Variants in KRT35 observed in about 807,000 individuals in gnomAD.
KRT35 encodes keratin, type I cuticular Ha5.
KRT35 carries 33 observed loss-of-function variants against 42.2 expected under a neutral mutation model. That is an observed-to-expected ratio of 0.78 (90% CI 0.59 to 1.05). The LOEUF is 1.05. Among genes scored for constraint, KRT35 ranks in the 50% least tolerant of loss-of-function variants. The pLI is 0.00. For synonymous variants in KRT35, 218 were observed against 238.2 expected, an observed-to-expected ratio of 0.92 and a Z score of 0.78; for missense variants, 585 against 589.2, an observed-to-expected ratio of 0.99 and a Z score of 0.07.
Position 41,476,879 on chromosome 17 carries a change from C to A in KRT35, c.*177G>T. 1 of 585,308 alleles carries A rather than the reference C, an allele frequency of 1.7e-6. No homozygotes were observed. The highest frequency in any genetic ancestry group is 2.8e-6 in the Non-Finnish European group (1 of 351,774). The allele number at this position is 585,308 out of a possible 1,614,324, so 36.3% of individuals were successfully genotyped here. ...AGTTGAGACCTTTGGGGGCAGCCGG[C>A]CTTTGTGACAGGCTCTGAGAAACTT... On this transcript the variant is annotated 3_prime_UTR_variant, in exon 7 of 7. Coordinates refer to ENST00000246639, the MANE Select transcript of KRT35 (RefSeq NM_002280.6).
rs929876148 is a variant in KRT35, at chr17:41,476,910, C to A, written c.*146G>T. 2.6e-6 allele frequency: 2 copies of A among 755,408 alleles called. No homozygotes were observed. Among genetic ancestry groups the A allele is most frequent in the African/African-American group, 3.6e-5 (2 of 55,054 alleles). The allele number at this position is 755,408 out of a possible 1,614,324, so 46.8% of individuals were successfully genotyped here. ...TGACAGGCTCTGAGAAACTTTAGGG[C>A]ATGTATTTGCAGAAAGCCTTTTCAG... On this transcript the variant is annotated 3_prime_UTR_variant, in exon 7 of 7. Transcript: ENST00000246639.
rs761533012 is a variant in KRT35, at chr17:41,477,209, A to G, written c.1221-6T>C. 8 of 1,613,756 alleles carry G rather than the reference A, an allele frequency of 5.0e-6. No homozygotes were observed. Among genetic ancestry groups the G allele is most frequent in the Non-Finnish European group, 6.8e-6 (8 of 1,179,810 alleles). ...CACATGGGTTACAGGGGAGCCTAGA[A>G]AAAAGAAAACAAATTACTGTGATTT... On this transcript the variant is annotated splice_polypyrimidine_tract_variant and splice_region_variant and intron_variant, in intron 6 of 6. Coordinates refer to ENST00000246639, the MANE Select transcript of KRT35 (RefSeq NM_002280.6).
chr17:41,477,502 A>C lies in KRT35; in HGVS notation c.1220+16T>G. 1 of 1,612,664 alleles carries C rather than the reference A, an allele frequency of 6.2e-7. No homozygotes were observed. On this transcript the variant is annotated intron_variant, in intron 6 of 6. Coordinates refer to ENST00000246639, the MANE Select transcript of KRT35 (RefSeq NM_002280.6). ...GATTGCAGTGAGAAGACAAGAGCACATGCAGTGATACTCACTTGCTGTCCT... is the reference window on the plus strand; with the variant it reads ...GATTGCAGTGAGAAGACAAGAGCACCTGCAGTGATACTCACTTGCTGTCCT...
In KRT35 at chr17:41,480,672, A is replaced by T; in HGVS notation, c.426T>A (p.Pro142=). ...TGGTCCGGAAGTAGGACTGGTAGTC[A>T]GGGCACATGTAGGGGACCTGCTGCT... The part of the protein sequence containing the change: ...WCEQQVPYMC[P]DYQSYFRTIE... The change falls in exon 1 of 7, where the codon CCT becomes CCA. Residue 142 remains proline, a synonymous_variant. Transcript: ENST00000246639. The T allele has an allele frequency of 6.2e-7, 1 of 1,614,198 alleles. No homozygotes were observed. The highest frequency in any genetic ancestry group is 8.5e-7 in the Non-Finnish European group (1 of 1,180,030).
rs747740969 is a variant in KRT35 at position 41,480,783 on chromosome 17, G to A, written c.315C>T (p.Asn105=). The A allele has an allele frequency of 2.7e-5, 43 of 1,614,082 alleles. No individual in the cohort carries two copies. The highest frequency in any genetic ancestry group is 6.7e-5 in the African/African-American group (5 of 74,916). The part of the protein sequence containing the change: ...GNEKETMQSL[N]DRLAGYLEKV... ...TCTCCAGGTAGCCGGCCAGGCGGTC[G>A]TTCAGGGATTGCATGGTCTCCTTCT... The change falls in exon 1 of 7, where the codon AAC becomes AAT. Residue 105 remains asparagine, a synonymous_variant. Transcript: ENST00000246639.
In KRT35 at chr17:41,476,935, G is replaced by T; in HGVS notation, c.*121C>A. 1 of 1,024,154 alleles carries T rather than the reference G, an allele frequency of 9.8e-7. No individual in the cohort carries two copies. Among genetic ancestry groups the T allele is most frequent in the Non-Finnish European group, 1.4e-6 (1 of 718,568 alleles). The allele number at this position is 1,024,154 out of a possible 1,614,324, so 63.4% of individuals were successfully genotyped here. ...CATGTATTTGCAGAAAGCCTTTTCA[G>T]CCAGACCCTGGGCCTGGGCTCTGCG... On this transcript the variant is annotated 3_prime_UTR_variant, in exon 7 of 7. Transcript: ENST00000246639.
In KRT35 at chr17:41,479,455, G is replaced by A. The variant is rs201345962; in HGVS notation, c.603C>T (p.Asn201=). ...SLRQLVESDI[N]GLRRILDDLT... ...GGTCATCCAGGATCCTGCGCAGGCCGTTGATGTCTGACTCCACCAGCTGCC... is the reference window on the plus strand; with the variant it reads ...GGTCATCCAGGATCCTGCGCAGGCCATTGATGTCTGACTCCACCAGCTGCC... Residue 201 remains asparagine, a synonymous_variant, in exon 3 of 7, where the codon AAC becomes AAT. Transcript: ENST00000246639. 142 of 1,614,170 alleles carry A rather than the reference G, an allele frequency of 8.8e-5. 1 individual carries two copies. The Admixed American group carries it at 1.1e-3, about 13-fold the overall frequency.
In KRT35 at chr17:41,477,097, G is replaced by T. The variant is rs2071601; in HGVS notation, c.1327C>A (p.Pro443Thr). ...GPSAARTNCS[P>T]RPICVPCPGG... is the part of the protein sequence containing the mutation. ...GGGCAGGGCACACAAATGGGGCGGG[G>T]GCTGCAGTTTGTGCGGGCTGCACTA... Residue 443 changes from proline (P) to threonine (T), a missense_variant, in exon 7 of 7, where the codon CCC (proline) becomes ACC (threonine). By Grantham distance (38) the Pro-to-Thr change is conservative. Coordinates refer to ENST00000246639, the MANE Select transcript of KRT35 (RefSeq NM_002280.6). 8 of 1,605,200 alleles carry T rather than the reference G, an allele frequency of 5.0e-6. No individual in the cohort carries two copies. Among genetic ancestry groups the T allele is most frequent in the Admixed American group, 3.4e-5 (2 of 57,998 alleles).
At chr17:41,479,970 T>C (rs2019231833) in intron 1 of KRT35, among the ~76,000 whole-genome samples, 189 bp from the exon 2 acceptor site, 1 of 152,122 alleles carries the variant, frequency 6.6e-6, no homozygotes, top group South Asian at 2.1e-4. Context: ...TTTCTTCCAG[T>C]GCAGTGTATC....
intron 3 of KRT35, 80 bp downstream of exon 3, chr17:41,479,266 CA>C (rs56209045): frequency 1 from 1,485,482 of 1,486,062 alleles, 742,453 homozygotes; most frequent in East Asian, 1. Flanking sequence ...ACCTCATCCC[CA>C]ATGCTCACCT....
At chr17:41,479,648 C>G in intron 2 of KRT35, 51 bp downstream of exon 2, 2 of 1,584,914 alleles carry the variant, frequency 1.3e-6, no homozygotes, top group African/African-American at 1.3e-5. Flanking sequence ...CAGGCATCAC[C>G]TGTGTCCAGT....
chr17:41,479,470 C>A lies in KRT35; in HGVS notation c.588G>T (p.Val196=). 6.2e-7 allele frequency: 1 copy of A among 1,614,164 alleles called. No individual in the cohort carries two copies. The highest frequency in any genetic ancestry group is 2.2e-5 in the East Asian group (1 of 44,884). The change falls in exon 3 of 7, where the codon GTG becomes GTT. Residue 196 remains valine, a synonymous_variant. Transcript: ENST00000246639. The stretch of plus-strand genomic sequence containing the variant: ...TGCGCAGGCCGTTGATGTCTGACTC[C>A]ACCAGCTGCCGCAGGGACACCTCCG... ...YETEVSLRQL[V]ESDINGLRRI... is the part of the protein sequence containing the mutation.
Position 41,478,343 on chromosome 17 carries a change from C to T in KRT35, c.999+18G>A, listed in dbSNP as rs1339004982. 1 of 1,610,622 alleles carries T rather than the reference C, an allele frequency of 6.2e-7. No individual in the cohort carries two copies. Among genetic ancestry groups the T allele is most frequent in the Non-Finnish European group, 8.5e-7 (1 of 1,178,710 alleles). On this transcript the variant is annotated intron_variant, in intron 5 of 6. Coordinates refer to ENST00000246639, the MANE Select transcript of KRT35 (RefSeq NM_002280.6). ...TCGGCTTGGTCCAGAGGCAGCTCCACCCTGCCTTGGGGCTCACCATGCTGT... is the reference window on the plus strand; with the variant it reads ...TCGGCTTGGTCCAGAGGCAGCTCCATCCTGCCTTGGGGCTCACCATGCTGT...
intron 5 of KRT35, among the ~76,000 whole-genome samples, chr17:41,478,036 C>T (rs1243345789): frequency 6.6e-6 from 1 of 152,136 alleles, no homozygotes; most frequent in Non-Finnish European, 1.5e-5. Context: ...GCTAATTAGC[C>T]CCTGTGGCTT....
In KRT35 at chr17:41,477,220, A is replaced by G. The variant is rs1471410125; in HGVS notation, c.1221-17T>C. The stretch of plus-strand genomic sequence containing the variant: ...CAGGGGAGCCTAGAAAAAAGAAAAC[A>G]AATTACTGTGATTTTCCAGTTGCTG... On this transcript the variant is annotated splice_polypyrimidine_tract_variant and intron_variant, in intron 6 of 6. Coordinates refer to ENST00000246639, the MANE Select transcript of KRT35 (RefSeq NM_002280.6). 6.2e-7 allele frequency: 1 copy of G among 1,613,374 alleles called. No individual in the cohort carries two copies. The highest frequency in any genetic ancestry group is 2.2e-5 in the East Asian group (1 of 44,894).
chr17:41,481,107 A>C lies in KRT35; in HGVS notation c.-10T>G, dbSNP rs1160070538. 6.3e-7 allele frequency: 1 copy of C among 1,582,614 alleles called. No individual in the cohort carries two copies. Among genetic ancestry groups the C allele is most frequent in the South Asian group, 1.2e-5 (1 of 86,944 alleles). ...GGCATTTGGAAGCCATGGCCCCTGC[A>C]ACTCAGATGCAATTGATAGGTCTCT... On this transcript the variant is annotated 5_prime_UTR_variant, in exon 1 of 7. Coordinates refer to ENST00000246639, the MANE Select transcript of KRT35 (RefSeq NM_002280.6).
In KRT35 at chr17:41,476,793, A is replaced by C. The variant is rs1286347774; in HGVS notation, c.*263T>G. On this transcript the variant is annotated 3_prime_UTR_variant, in exon 7 of 7. Coordinates refer to ENST00000246639, the MANE Select transcript of KRT35 (RefSeq NM_002280.6). Reference sequence around the variant, plus strand: ...ATCCACCGGAACAGCACCTAGAAGGAAAACCTGACCCAGGAGGCAGCCTGA... The same window carrying C: ...ATCCACCGGAACAGCACCTAGAAGGCAAACCTGACCCAGGAGGCAGCCTGA... The C allele has an allele frequency of 1.9e-5, 7 of 377,040 alleles. No individual in the cohort carries two copies. Among genetic ancestry groups the C allele is most frequent in the Non-Finnish European group, 1.9e-5 (4 of 211,864 alleles). The allele number at this position is 377,040 out of a possible 1,614,324, so 23.4% of individuals were successfully genotyped here.
intron 3 of KRT35, 101 bp from the exon 4 acceptor site, chr17:41,479,096 G>T: frequency 3.3e-6 from 4 of 1,209,728 alleles, no homozygotes; most frequent in Non-Finnish European, 2.3e-6. Context: ...CCCTCCTAAT[G>T]CTCACCTCCT....
Position 41,477,201 on chromosome 17 carries a change from A to T in KRT35, c.1223T>A (p.Leu408His). ...RGLLESEDSKLPCNPCAPDYS... is the reference protein window; with the variant it reads ...RGLLESEDSKHPCNPCAPDYS... Reference sequence around the variant, plus strand: ...GTCAGGTGCACATGGGTTACAGGGGAGCCTAGAAAAAAGAAAACAAATTAC... The same window carrying T: ...GTCAGGTGCACATGGGTTACAGGGGTGCCTAGAAAAAAGAAAACAAATTAC... The change falls in exon 7 of 7, where the codon CTC becomes CAC. Residue 408 changes from leucine (L) to histidine (H), a missense_variant and splice_region_variant. Leu to His is a moderately conservative substitution (Grantham distance 99). Transcript: ENST00000246639. 6.2e-7 allele frequency: 1 copy of T among 1,613,672 alleles called. No individual in the cohort carries two copies. Among genetic ancestry groups the T allele is most frequent in the Non-Finnish European group, 8.5e-7 (1 of 1,179,788 alleles).
Sources: allele counts gnomAD v4.1 joint callset (sites outside exome capture counted in the v4.1 genomes callset), GRCh38; gene constraint gnomAD v4.1.1; transcripts MANE v1.5; gene names NCBI Gene and HGNC (gene_info 2026-07-23, HGNC 2026-07-21).